ZFAT: variants seen among roughly 807,000 people sequenced by gnomAD.
ZFAT encodes zinc finger protein ZFAT.
Under a neutral mutation model 117.7 loss-of-function variants are expected in ZFAT, and 64 were observed. The observed-to-expected ratio is 0.54, with a 90% CI of 0.44 to 0.67. The LOEUF (loss-of-function observed/expected upper bound fraction) is 0.67, where lower values mean the gene tolerates loss of function less well. ZFAT is among the 30% of genes least tolerant of loss of function. ZFAT has a pLI of 0.00. For missense variants in ZFAT, 1,433 were observed against 1,584.5 expected (o/e 0.90, Z 1.62); for synonymous variants, 679 against 615.0 (o/e 1.10, Z -1.54).
chr8:134,679,343 C>T (rs1176034821), intron 1 of ZFAT, among the ~76,000 whole-genome samples: 1 of 152,252 alleles, frequency 6.6e-6, no homozygotes, highest in East Asian at 1.9e-4. Flanking sequence ...AAAAAATGCT[C>T]ATCATCACTG....
At chr8:134,829,041 G>A in the ZFAT span, among the ~76,000 whole-genome samples, 3 of 152,228 alleles carry the variant, frequency 2.0e-5, no homozygotes, top group Non-Finnish European at 2.9e-5. Flanking sequence ...CCTAGTGAGA[G>A]TGTCTGACAA....
chr8:134,635,393 A>G (rs546756055), intron 3 of ZFAT, among the ~76,000 whole-genome samples: 3 of 152,292 alleles, frequency 2.0e-5, no homozygotes, highest in Non-Finnish European at 4.4e-5. Context: ...CTCAGAAGGA[A>G]CCTGACAGGA....
the ZFAT span, among the ~76,000 whole-genome samples, chr8:134,815,715 C>T: frequency 6.6e-6 from 1 of 152,096 alleles, no homozygotes; most frequent in Non-Finnish European, 1.5e-5. Context: ...TTCTCTCTGC[C>T]AGGAAACTTT....
intron 1 of ZFAT, among the ~76,000 whole-genome samples, chr8:134,679,559 C>T (rs1479305220): frequency 6.6e-6 from 1 of 152,168 alleles, no homozygotes; most frequent in East Asian, 1.9e-4. Context: ...ACTAGAAATA[C>T]CATTTGACCC....
chr8:134,753,236 C>CAACAACAAA, the ZFAT span, among the ~76,000 whole-genome samples: 2 of 148,488 alleles, frequency 1.3e-5, no homozygotes, highest in South Asian at 4.4e-4. Flanking sequence ...AACCAACCAA[C>CAACAACAAA]AACAACAACA....
chr8:134,700,645 G>C (rs1175060325), intron 1 of ZFAT, among the ~76,000 whole-genome samples: 2 of 152,238 alleles, frequency 1.3e-5, no homozygotes, highest in Non-Finnish European at 2.9e-5. Flanking sequence ...GCTCTGGCCA[G>C]TCCGGGGGGA....
At chr8:134,549,792 G>T (rs1477682528) in intron 11 of ZFAT, among the ~76,000 whole-genome samples, 2 of 152,186 alleles carry the variant, frequency 1.3e-5, no homozygotes, top group African/African-American at 4.8e-5. Context: ...GACAATGTGG[G>T]AAACTGGTGC....
At chr8:134,688,186 G>A (rs1403392165) in intron 1 of ZFAT, among the ~76,000 whole-genome samples, 2 of 152,214 alleles carry the variant, frequency 1.3e-5, no homozygotes, top group African/African-American at 2.4e-5. Flanking sequence ...ATGCTGAAGA[G>A]AACAGAGAAT....
intron 11 of ZFAT, among the ~76,000 whole-genome samples, chr8:134,544,312 C>T (rs1235819818): frequency 6.6e-6 from 1 of 152,176 alleles, no homozygotes; most frequent in Non-Finnish European, 1.5e-5. Flanking sequence ...CAGGCAGATG[C>T]TCAAATATAG....
intron 15 of ZFAT, among the ~76,000 whole-genome samples, chr8:134,498,038 T>G (rs1360668904): frequency 1.0e-3 from 68 of 68,150 alleles, no homozygotes; most frequent in African/African-American, 1.1e-3. Flanking sequence ...GGTGGAGCCG[T>G]GATGCCCCTG....
intron 1 of ZFAT, among the ~76,000 whole-genome samples, chr8:134,683,233 T>A (rs983454298): frequency 2.6e-5 from 4 of 152,226 alleles, no homozygotes; most frequent in Non-Finnish European, 5.9e-5. Context: ...TGCACAGCTG[T>A]ACACAGTAGC....
intron 15 of ZFAT, among the ~76,000 whole-genome samples, chr8:134,503,915 AACACACAC>A (rs144794990): frequency 1.3e-5 from 2 of 149,142 alleles, no homozygotes; most frequent in Admixed American, 6.7e-5. Context: ...TTTGAACACA[AACACACAC>A]ACACACACAC....
the ZFAT span, among the ~76,000 whole-genome samples, chr8:134,768,678 G>C: frequency 8.5e-5 from 13 of 152,276 alleles, no homozygotes; most frequent in Admixed American, 2.6e-4. Flanking sequence ...GGAAAGACCT[G>C]CCTCCATGAT....
the ZFAT span, among the ~76,000 whole-genome samples, chr8:134,719,205 GAGA>G: frequency 1.3e-5 from 2 of 152,226 alleles, no homozygotes; most frequent in African/African-American, 4.8e-5. Flanking sequence ...TGCCTTTTCA[GAGA>G]AGAAGGGGGA....
At chr8:134,589,330 C>G (rs564433811) in intron 8 of ZFAT, among the ~76,000 whole-genome samples, 2 of 152,294 alleles carry the variant, frequency 1.3e-5, no homozygotes, top group East Asian at 3.9e-4. Context: ...CTGTCCATTC[C>G]CAGCTGAAAC....
chr8:134,827,121 G>A, the ZFAT span, among the ~76,000 whole-genome samples: 1,853 of 152,058 alleles, frequency 0.012, 16 homozygotes, highest in Non-Finnish European at 0.02. Context: ...GCGTGATCTC[G>A]GCTCACTGCA....
the ZFAT span, chr8:134,766,128 C>T: frequency 6.6e-6 from 1 of 152,328 alleles, no homozygotes; most frequent in South Asian, 2.1e-4. Context: ...TACTTTCTCT[C>T]TCATTCATTC....
At chr8:134,679,129 A>G (rs1832942097) in intron 1 of ZFAT, among the ~76,000 whole-genome samples, 1 of 152,252 alleles carries the variant, frequency 6.6e-6, no homozygotes, top group South Asian at 2.1e-4. Context: ...AGCAAAAGAA[A>G]CTATCATCAG....
intron 11 of ZFAT, among the ~76,000 whole-genome samples, chr8:134,559,739 A>T (rs2130744562): frequency 6.6e-6 from 1 of 152,310 alleles, no homozygotes; most frequent in East Asian, 1.9e-4. Flanking sequence ...GAAAAATGGT[A>T]TCTTAATGTA....
Sources: gnomAD v4.1 joint callset for allele counts (sites outside exome capture counted in the v4.1 genomes callset) on GRCh38, gnomAD v4.1.1 for gene constraint, MANE v1.5 for transcripts, NCBI Gene and HGNC (gene_info 2026-07-23, HGNC 2026-07-21) for gene names.